Variants in MIB1 observed in about 807,000 individuals in gnomAD.
The protein encoded by MIB1 is E3 ubiquitin-protein ligase MIB1.
A neutral mutation model predicts 124.5 loss-of-function variants in MIB1; 278 were observed. The observed-to-expected ratio is 2.23, with a 90% CI of 2.02 to 2.47. The LOEUF (loss-of-function observed/expected upper bound fraction) is 2.47. Ranked by LOEUF, MIB1 falls within the 30% of genes most tolerant of loss-of-function variation. The probability of loss-of-function intolerance (pLI) is 0.00; values close to 1 mark genes in which losing one functional copy is unlikely to be tolerated. For synonymous variants in MIB1, 446 were observed against 429.4 expected (o/e 1.04, Z -0.48); for missense variants, 957 against 1,254.4 (o/e 0.76, Z 3.58).
At position 21,834,508 on chromosome 18, in the gene MIB1, C is replaced by T. The variant is rs145488902; in HGVS notation, c.1830-3857C>T. The stretch of plus-strand genomic sequence containing the variant: ...CATTGGAGAAACATGAAGAACACTA[C>T]TTCAGCCAGATGATCAAGGTTAACT... On this transcript the variant is annotated intron_variant, in intron 12 of 20. Transcript: ENST00000261537. Among the ~76,000 whole-genome samples, 814 of 152,254 alleles carry T rather than the reference C, an allele frequency of 5.3e-3. 9 individuals carry two copies. The highest frequency in any genetic ancestry group is 0.018 in the African/African-American group (765 of 41,536).
chr18:21,726,608 C>T (rs750611275), intron 1 of MIB1, among the ~76,000 whole-genome samples: 8 of 152,088 alleles, frequency 5.3e-5, no homozygotes, highest in African/African-American at 7.2e-5. Context: ...GTAGTCCCCA[C>T]GGTTTTGAAT....
intron 4 of MIB1, among the ~76,000 whole-genome samples, chr18:21,775,166 T>C (rs1442678322): frequency 2.0e-5 from 3 of 151,898 alleles, no homozygotes; most frequent in African/African-American, 4.8e-5. Flanking sequence ...AGGATGGTCT[T>C]GATCTCCTGA....
intron 4 of MIB1, among the ~76,000 whole-genome samples, chr18:21,775,673 A>G (rs143820577): frequency 2.4e-4 from 37 of 152,330 alleles, no homozygotes; most frequent in African/African-American, 8.7e-4. Context: ...CTGTTTTTAA[A>G]TTGTCAATTT....
At chr18:21,843,817 C>T (rs1302998423) in intron 14 of MIB1, among the ~76,000 whole-genome samples, 12 of 152,114 alleles carry the variant, frequency 7.9e-5, no homozygotes, top group Admixed American at 4.6e-4. Flanking sequence ...AATATCCCTC[C>T]GTTATCATCA....
Position 21,864,829 on chromosome 18 carries a change from A to G in MIB1, c.*163A>G, listed in dbSNP as rs2042308310. On this transcript the variant is annotated 3_prime_UTR_variant, in exon 21 of 21. Coordinates refer to ENST00000261537, the MANE Select transcript of MIB1 (RefSeq NM_020774.4). ...GTACCAGAACAAAAAACCCTACAAA[A>G]TGGTGTTGGAAATTGTGTTTTTTGT... 2.2e-6 allele frequency: 1 copy of G among 452,232 alleles called. No individual in the cohort carries two copies. The highest frequency in any genetic ancestry group is 7.8e-5 in the South Asian group (1 of 12,746). 28.0% of individuals were successfully genotyped at this position (452,232 alleles called of 1,614,324 possible). A position where few individuals can be genotyped will look rare whatever the true frequency, so the allele number is the denominator to read the frequency against.
intron 3 of MIB1, 104 bp downstream of exon 3, chr18:21,768,856 C>T: frequency 3.1e-6 from 3 of 977,454 alleles, no homozygotes; most frequent in Non-Finnish European, 4.1e-6. Context: ...TTTTCCATGC[C>T]AGTAACAGTT....
chr18:21,801,432 A>C (rs2041649662), intron 9 of MIB1, among the ~76,000 whole-genome samples: 2 of 152,142 alleles, frequency 1.3e-5, no homozygotes, highest in African/African-American at 2.4e-5. Context: ...GGAGTATATT[A>C]GATTATGTTT....
chr18:21,815,783 AT>A lies in MIB1; in HGVS notation c.1649del (p.Leu550TrpfsTer22). The A allele has an allele frequency of 6.2e-7, 1 of 1,614,168 alleles. No homozygotes were observed. Among genetic ancestry groups the A allele is most frequent in the Non-Finnish European group, 8.5e-7 (1 of 1,180,020 alleles). ...KGHLQVVKTLLDFGCHPSLQD... is the reference protein window; with the variant it reads ...KGHLQVVKTLXDFGCHPSLQD... ...GTCATCTTCAAGTTGTGAAGACTTT[AT>A]TGGACTTTGGCTGTCATCCCAGTCT... On this transcript the variant is annotated frameshift_variant, in exon 11 of 21. Transcript: ENST00000261537. LOFTEE classifies it high-confidence loss of function.
At chr18:21,758,072 T>C (rs2041055391) in intron 1 of MIB1, among the ~76,000 whole-genome samples, 1 of 152,222 alleles carries the variant, frequency 6.6e-6, no homozygotes, top group African/African-American at 2.4e-5. Context: ...GTTACTTGTC[T>C]GAGACTCAGT....
At chr18:21,863,790 G>A (rs555916542) in intron 20 of MIB1, among the ~76,000 whole-genome samples, 26 of 152,200 alleles carry the variant, frequency 1.7e-4, no homozygotes, top group African/African-American at 5.5e-4. Context: ...CAGATCACGA[G>A]GTCAGAAGAT....
intron 5 of MIB1, among the ~76,000 whole-genome samples, 170 bp from the exon 6 acceptor site, chr18:21,779,310 TA>T (rs35541181): frequency 5.9e-5 from 9 of 152,144 alleles, no homozygotes; most frequent in Non-Finnish European, 1.2e-4. Flanking sequence ...TTTCTTTTTT[TA>T]AAAAAAGCTT....
intron 1 of MIB1, among the ~76,000 whole-genome samples, chr18:21,734,374 G>A (rs995852374): frequency 1.1e-4 from 16 of 151,958 alleles, no homozygotes. Context: ...CAAAGTGCTG[G>A]GATTACAGGT....
chr18:21,813,890 A>T (rs1407547390), intron 10 of MIB1, among the ~76,000 whole-genome samples: 1 of 152,114 alleles, frequency 6.6e-6, no homozygotes, highest in African/African-American at 2.4e-5. Flanking sequence ...GATCAGGGAC[A>T]GACACATGGT....
chr18:21,790,252 A>T (rs2041486864), intron 6 of MIB1, among the ~76,000 whole-genome samples: 1 of 152,234 alleles, frequency 6.6e-6, no homozygotes, highest in Non-Finnish European at 1.5e-5. Context: ...TTCTTTTAAG[A>T]ATCTCTACTG....
chr18:21,770,653 G>C (rs1225643362), intron 3 of MIB1, among the ~76,000 whole-genome samples: 1 of 151,904 alleles, frequency 6.6e-6, no homozygotes, highest in Non-Finnish European at 1.5e-5. Context: ...CTCACTATAC[G>C]TGTTAGTCTT....
Position 21,847,144 on chromosome 18 carries a change from C to A in MIB1, c.2393+19C>A, listed in dbSNP as rs993763015. 1.2e-6 allele frequency: 2 copies of A among 1,600,822 alleles called. No homozygotes were observed. The highest frequency in any genetic ancestry group is 1.7e-6 in the Non-Finnish European group (2 of 1,169,642). On this transcript the variant is annotated intron_variant, in intron 16 of 20. Coordinates refer to ENST00000261537, the MANE Select transcript of MIB1 (RefSeq NM_020774.4). ...AAGTCAGGTTTGTATTATTTATTAT[C>A]ATAAAACTTAATATTCTGTACAGAA...
Position 21,773,511 on chromosome 18 carries a change from G to T in MIB1, c.532-113G>T, listed in dbSNP as rs145257912. On this transcript the variant is annotated intron_variant, in intron 3 of 20. Coordinates refer to ENST00000261537, the MANE Select transcript of MIB1 (RefSeq NM_020774.4). Reference sequence around the variant, plus strand: ...GCAAATAAGTATTTTTCATGATCCTGTTACACAGGTTGCTAGATGAAATGA... The same window carrying T: ...GCAAATAAGTATTTTTCATGATCCTTTTACACAGGTTGCTAGATGAAATGA... The T allele has an allele frequency of 4.8e-5, 33 of 684,146 alleles. 1 individual carries two copies. The East Asian group carries it at 9.8e-4, about 20-fold the overall frequency. 42.4% of individuals were successfully genotyped at this position (684,146 alleles called of 1,614,324 possible).
chr18:21,835,216 G>C (rs1443096551), intron 12 of MIB1, among the ~76,000 whole-genome samples: 1 of 151,898 alleles, frequency 6.6e-6, no homozygotes, highest in Non-Finnish European at 1.5e-5. Context: ...TTTTTATCAA[G>C]ACTAGTCTTA....
chr18:21,742,371 A>G (rs1288198734), intron 1 of MIB1, among the ~76,000 whole-genome samples: 1 of 151,902 alleles, frequency 6.6e-6, no homozygotes, highest in Non-Finnish European at 1.5e-5. Flanking sequence ...TTTTCATCCA[A>G]ATTGTTCTAT....
Sources: allele counts gnomAD v4.1 joint callset (sites outside exome capture counted in the v4.1 genomes callset), GRCh38; gene constraint gnomAD v4.1.1; transcripts MANE v1.5; gene names NCBI Gene and HGNC (gene_info 2026-07-23, HGNC 2026-07-21).